INTS15: variants seen among roughly 807,000 people sequenced by gnomAD.
INTS15 encodes integrator complex subunit 15.
At chr7:6,591,963 G>A in the INTS15 span, 3 of 1,121,110 alleles carry the variant, frequency 2.7e-6, no homozygotes, top group East Asian at 4.9e-5. Context: ...CTTGAGGTCA[G>A]GGGTTCAAGA....
At chr7:6,594,416 C>T in the INTS15 span, 2 of 1,613,648 alleles carry the variant, frequency 1.2e-6, no homozygotes, top group Non-Finnish European at 1.7e-6. Context: ...GTTAAGTGGA[C>T]TGTGTGGCTT....
the INTS15 span, chr7:6,602,103 G>C: frequency 2.5e-6 from 4 of 1,613,228 alleles, no homozygotes; most frequent in Non-Finnish European, 3.4e-6. Flanking sequence ...AATTGCAGAT[G>C]ACCTGAGAAC....
the INTS15 span, chr7:6,608,640 C>T: frequency 9.6e-5 from 49 of 508,640 alleles, no homozygotes; most frequent in Middle Eastern, 9.7e-4. Flanking sequence ...TCAGGAATTC[C>T]CCTCACCTCG....
chr7:6,590,188 C>A, the INTS15 span: 1 of 1,162,184 alleles, frequency 8.6e-7, no homozygotes, highest in Non-Finnish European at 1.1e-6. Flanking sequence ...AGCCCAGGCC[C>A]GGGTCGCGCC....
the INTS15 span, chr7:6,599,776 G>T: frequency 6.4e-7 from 1 of 1,563,530 alleles, no homozygotes; most frequent in Non-Finnish European, 8.7e-7. Context: ...TCCACTTCCC[G>T]CCCCTGTCCT....
chr7:6,596,999 C>A, the INTS15 span, among the ~76,000 whole-genome samples: 1 of 151,864 alleles, frequency 6.6e-6, no homozygotes, highest in South Asian at 2.1e-4. Context: ...AGGATGGTCT[C>A]GATCACCTGA....
the INTS15 span, chr7:6,602,554 C>T: frequency 1.5e-5 from 6 of 410,164 alleles, no homozygotes; most frequent in Admixed American, 8.1e-5. Flanking sequence ...GGGTTCTGGG[C>T]GCGGCCCTGT....
chr7:6,595,319 T>C, the INTS15 span, among the ~76,000 whole-genome samples: 9 of 152,166 alleles, frequency 5.9e-5, no homozygotes, highest in Non-Finnish European at 1.0e-4. Context: ...TGCAACACCA[T>C]GTCTGGCTGA....
chr7:6,592,881 A>G, the INTS15 span, among the ~76,000 whole-genome samples: 1 of 152,300 alleles, frequency 6.6e-6, no homozygotes, highest in Middle Eastern at 3.4e-3. Context: ...AAGTGCCGGG[A>G]TTATAAGCAT....
chr7:6,606,337 G>T, the INTS15 span, among the ~76,000 whole-genome samples: 44 of 152,334 alleles, frequency 2.9e-4, no homozygotes, highest in Middle Eastern at 3.4e-3. Context: ...GAGCTTGGGG[G>T]TTCAGTCTGT....
chr7:6,602,828 G>T, the INTS15 span: 79 of 450,922 alleles, frequency 1.8e-4, no homozygotes, highest in African/African-American at 1.4e-3. Context: ...TATGTCCTTG[G>T]TCAGCTTCCC....
the INTS15 span, chr7:6,608,471 C>T: frequency 8.0e-7 from 1 of 1,249,094 alleles, no homozygotes; most frequent in Non-Finnish European, 1.0e-6. Flanking sequence ...AGGAGTGTGA[C>T]GGCAGGAGCC....
At chr7:6,593,633 C>G in the INTS15 span, among the ~76,000 whole-genome samples, 1 of 148,106 alleles carries the variant, frequency 6.8e-6, no homozygotes, top group Middle Eastern at 3.6e-3. Flanking sequence ...CACACCCAGT[C>G]AGGTGGTGTT....
chr7:6,601,393 T>A, the INTS15 span, among the ~76,000 whole-genome samples: 3 of 151,906 alleles, frequency 2.0e-5, no homozygotes, highest in African/African-American at 4.8e-5. Flanking sequence ...CCTCCCGGGT[T>A]CTAGTGATTC....
chr7:6,608,222 G>A, the INTS15 span: 1 of 1,528,984 alleles, frequency 6.5e-7, no homozygotes, highest in South Asian at 1.2e-5. Flanking sequence ...TGGAAGGGGT[G>A]GCCGGACTCC....
At chr7:6,590,501 C>A in the INTS15 span, 15 of 1,532,152 alleles carry the variant, frequency 9.8e-6, no homozygotes, top group East Asian at 2.8e-4. Context: ...GTCGGGTTCC[C>A]GGGCCCCGCA....
the INTS15 span, among the ~76,000 whole-genome samples, chr7:6,591,268 CTT>C: frequency 7.9e-4 from 104 of 131,754 alleles, no homozygotes; most frequent in African/African-American, 1.6e-3. Flanking sequence ...TCCTGTTTTT[CTT>C]TTTTTTTTTT....
At chr7:6,607,607 G>A in the INTS15 span, 20 of 1,400,652 alleles carry the variant, frequency 1.4e-5, no homozygotes, top group Non-Finnish European at 1.9e-5. The surrounding 1 kb of genome is among the most constrained non-coding windows in gnomAD (Gnocchi z 6.0). Flanking sequence ...GGTAGGGCGC[G>A]GTCATTCTCG....
chr7:6,608,259 G>A, the INTS15 span: 47 of 1,489,392 alleles, frequency 3.2e-5, no homozygotes, highest in Admixed American at 1.3e-4. Context: ...GGAAGGGGTC[G>A]GGCAGCCCCT....
Sources: allele counts gnomAD v4.1 joint callset (sites outside exome capture counted in the v4.1 genomes callset), GRCh38; gene constraint gnomAD v4.1.1; non-coding constraint Gnocchi (gnomAD v3.1); transcripts MANE v1.5; gene names NCBI Gene and HGNC (gene_info 2026-07-23, HGNC 2026-07-21).